The following ACSM3 variants were observed in gnomAD, a reference collection of about 807,000 sequenced individuals.
ACSM3 encodes the protein acyl-coenzyme A synthetase ACSM3, mitochondrial.
A neutral mutation model predicts 74.1 loss-of-function variants in ACSM3; 61 were observed. The observed-to-expected ratio is 0.82, with a 90% CI of 0.67 to 1.02. The LOEUF (loss-of-function observed/expected upper bound fraction) is 1.02. Among genes scored for constraint, ACSM3 ranks in the 50% least tolerant of loss-of-function variants. The probability of loss-of-function intolerance (pLI) is 0.00; values close to 1 mark genes in which losing one functional copy is unlikely to be tolerated. For missense variants in ACSM3, 660 were observed against 697.0 expected (o/e 0.95, Z 0.60); for synonymous variants, 213 against 241.5 (o/e 0.88, Z 1.09).
intron 9 of ACSM3, among the ~76,000 whole-genome samples, chr16:20,788,330 A>G (rs1334276080): frequency 6.6e-6 from 1 of 152,184 alleles, no homozygotes; most frequent in Non-Finnish European, 1.5e-5. Flanking sequence ...CCCAACATGC[A>G]TGGCTATCAG....
chr16:20,704,771 G>T (rs183404499), intron 1 of ACSM3, among the ~76,000 whole-genome samples: 1 of 152,308 alleles, frequency 6.6e-6, no homozygotes. Flanking sequence ...GATGATTTTG[G>T]AGTATAAAAG....
Position 20,786,104 on chromosome 16 carries a change from A to C in ACSM3, c.1170A>C (p.Gly390=). 6.3e-7 allele frequency: 1 copy of C among 1,599,918 alleles called. No homozygotes were observed. Among genetic ancestry groups the C allele is most frequent in the Non-Finnish European group, 8.5e-7 (1 of 1,174,304 alleles). Reference sequence around the variant, plus strand: ...TGCTAATCTGTGGAAATTTTAAGGGAATGAAAATTAAACCTGGCTCAATGG... The same window carrying C: ...TGCTAATCTGTGGAAATTTTAAGGGCATGAAAATTAAACCTGGCTCAATGG... The part of the protein sequence containing the change: ...ETVLICGNFK[G]MKIKPGSMGK... Residue 390 remains glycine, a synonymous_variant, in exon 9 of 14, where the codon GGA becomes GGC. Coordinates refer to ENST00000289416, the MANE Select transcript of ACSM3 (RefSeq NM_005622.4).
chr16:20,705,670 G>A (rs1196275331), intron 1 of ACSM3, among the ~76,000 whole-genome samples: 4 of 152,028 alleles, frequency 2.6e-5, no homozygotes, highest in South Asian at 2.1e-4. Flanking sequence ...GTATATTAAC[G>A]ACAATGTTCA....
intron 3 of ACSM3, among the ~76,000 whole-genome samples, chr16:20,758,189 G>A (rs2080047357): frequency 6.6e-6 from 1 of 151,992 alleles, no homozygotes; most frequent in Admixed American, 6.6e-5. Flanking sequence ...TCTATTGTTG[G>A]AATAGTTTCA....
intron 1 of ACSM3, among the ~76,000 whole-genome samples, chr16:20,713,420 T>G (rs2079750609): frequency 6.6e-6 from 1 of 152,192 alleles, no homozygotes; most frequent in Non-Finnish European, 1.5e-5. Flanking sequence ...TGTATTTATT[T>G]ATTTATAAAT....
intron 1 of ACSM3, chr16:20,737,807 G>A (rs778053091): frequency 1.4e-5 from 22 of 1,613,812 alleles, no homozygotes; most frequent in Non-Finnish European, 1.9e-5. Flanking sequence ...TTAAACCAGG[G>A]TTCCAAAAAT....
intron 1 of ACSM3, among the ~76,000 whole-genome samples, chr16:20,696,329 A>G (rs1175880405): frequency 1.3e-5 from 2 of 152,134 alleles, no homozygotes; most frequent in African/African-American, 4.8e-5. Flanking sequence ...TTCCATCCAC[A>G]TCTGTCTTCA....
In ACSM3 at chr16:20,792,259, T is replaced by G. The variant is rs778032064; in HGVS notation, c.1478T>G (p.Val493Gly). The G allele has an allele frequency of 3.7e-6, 6 of 1,613,916 alleles. No homozygotes were observed. The highest frequency in any genetic ancestry group is 5.1e-6 in the Non-Finnish European group (6 of 1,179,964). ...SSGYRIGPFE[V>G]ENALNEHPSV... Reference sequence around the variant, plus strand: ...AGCTATCGAATTGGACCATTTGAGGTAGAAAATGCCCTGAATGAACACCCT... The same window carrying G: ...AGCTATCGAATTGGACCATTTGAGGGAGAAAATGCCCTGAATGAACACCCT... The change falls in exon 12 of 14, where the codon GTA (valine) becomes GGA (glycine). Residue 493 changes from valine (V) to glycine (G), a missense_variant. Val to Gly is a moderately radical substitution (Grantham distance 109, BLOSUM62 -3). Transcript: ENST00000289416.
rs142407123 is a variant in ACSM3, at chr16:20,739,050, G to A, written c.-189-10860G>A. The A allele has an allele frequency of 6.5e-4, 1,057 of 1,614,126 alleles. 3 individuals are homozygous for A. Among genetic ancestry groups the A allele is most frequent in the South Asian group, 1.0e-3 (91 of 91,084 alleles). On this transcript the variant is annotated intron_variant, in intron 1 of 3. Coordinates refer to the ACSM3 transcript ENST00000561584. ...TCATCCTCTCCCTCACTTCCAGAGGGCTGCTGATCCTTGTCTGTAAACTGT... is the reference window on the plus strand; with the variant it reads ...TCATCCTCTCCCTCACTTCCAGAGGACTGCTGATCCTTGTCTGTAAACTGT...
At chr16:20,762,350 A>C (rs1168596442), upstream of ACSM3, among the ~76,000 whole-genome samples, 2 of 152,192 alleles carry the variant, frequency 1.3e-5, no homozygotes, top group Non-Finnish European at 2.9e-5. Context: ...AAAAAATCAA[A>C]GAACTGGAAG....
chr16:20,761,381 A>C (rs1204307936), upstream of ACSM3, among the ~76,000 whole-genome samples: 2 of 152,238 alleles, frequency 1.3e-5, no homozygotes, highest in Non-Finnish European at 2.9e-5. Flanking sequence ...TGGCAAAATA[A>C]ACCTCTAAAT....
At chr16:20,771,799 G>C (rs1432929907) in intron 2 of ACSM3, among the ~76,000 whole-genome samples, 2 of 152,084 alleles carry the variant, frequency 1.3e-5, no homozygotes, top group Non-Finnish European at 2.9e-5. Flanking sequence ...TTAGTTTTTT[G>C]AGAGGCCCTT....
chr16:20,750,764 T>G (rs2079982990), intron 2 of ACSM3, among the ~76,000 whole-genome samples: 1 of 151,992 alleles, frequency 6.6e-6, no homozygotes, highest in Non-Finnish European at 1.5e-5. Context: ...CCATAGAGAT[T>G]ATAAACACTG....
chr16:20,730,898 G>C (rs2079826631), intron 1 of ACSM3, among the ~76,000 whole-genome samples: 2 of 152,094 alleles, frequency 1.3e-5, no homozygotes, highest in Non-Finnish European at 2.9e-5. Flanking sequence ...CTGTCACCCA[G>C]GCAAAAAGCA....
intron 3 of ACSM3, chr16:20,755,643 T>C (rs1247295329): frequency 1.3e-5 from 2 of 149,968 alleles, no homozygotes; most frequent in Admixed American, 6.6e-5. Context: ...ATTATTATTA[T>C]TATTATTATA....
chr16:20,743,074 G>A (rs2079942486), intron 1 of ACSM3, among the ~76,000 whole-genome samples: 2 of 151,362 alleles, frequency 1.3e-5, no homozygotes, highest in East Asian at 1.9e-4. Context: ...GAGTAGCTGG[G>A]ACTACAGGCG....
chr16:20,738,890 G>A (rs571523833), intron 1 of ACSM3: 36 of 1,613,760 alleles, frequency 2.2e-5, no homozygotes, highest in Non-Finnish European at 2.9e-5. Flanking sequence ...GCAAGTATTT[G>A]TCACACCTAT....
upstream of ACSM3, chr16:20,763,842 T>G (rs1197516599): frequency 6.6e-6 from 1 of 152,260 alleles, no homozygotes; most frequent in African/African-American, 2.4e-5. Context: ...ATTTGCTTTC[T>G]CCGCCCCTCA....
chr16:20,729,935 T>A (rs1403472071), intron 1 of ACSM3, among the ~76,000 whole-genome samples: 1 of 152,228 alleles, frequency 6.6e-6, no homozygotes, highest in Non-Finnish European at 1.5e-5. Context: ...AGGTTCTTCC[T>A]ATTTGATAGC....
Sources: gnomAD v4.1 joint callset for allele counts (sites outside exome capture counted in the v4.1 genomes callset) on GRCh38, gnomAD v4.1.1 for gene constraint, MANE v1.5 for transcripts, NCBI Gene and HGNC (gene_info 2026-07-23, HGNC 2026-07-21) for gene names.